SYNM: variants seen among roughly 807,000 people sequenced by gnomAD.
The protein encoded by SYNM is desmuslin.
In SYNM, 95 loss-of-function variants were observed where a neutral mutation model predicts 104.0. The ratio of observed to expected loss-of-function variants is 0.91; its 90% CI spans 0.77 to 1.08. The LOEUF (loss-of-function observed/expected upper bound fraction) is 1.08, where lower values mean the gene tolerates loss of function less well. SYNM is among the 50% of genes least tolerant of loss of function. The pLI is 0.00. For synonymous variants in SYNM, 918 were observed against 869.0 expected (o/e 1.06, Z -0.99); for missense variants, 2,150 against 2,052.2 (o/e 1.05, Z -0.92).
intron 2 of SYNM, among the ~76,000 whole-genome samples, chr15:99,115,303 G>C (rs996571450): frequency 1.3e-5 from 2 of 152,170 alleles, no homozygotes; most frequent in Non-Finnish European, 2.9e-5. Flanking sequence ...AACCTGGAGA[G>C]GTTAAGAAGG....
At chr15:99,110,829 C>T (rs1234331525) in intron 1 of SYNM, among the ~76,000 whole-genome samples, 1 of 152,184 alleles carries the variant, frequency 6.6e-6, no homozygotes, top group African/African-American at 2.4e-5. Context: ...ACTGCCTCTG[C>T]TCGGGTGAGA....
downstream of SYNM, chr15:99,138,226 A>G: frequency 1.4e-6 from 2 of 1,467,832 alleles, no homozygotes; most frequent in Non-Finnish European, 1.8e-6. Context: ...AGACCCATTT[A>G]TGAGAAGACT....
chr15:99,116,313 C>T (rs2067347892), intron 2 of SYNM, among the ~76,000 whole-genome samples: 1 of 152,174 alleles, frequency 6.6e-6, no homozygotes, highest in South Asian at 2.1e-4. Context: ...ATATGGAAAA[C>T]TTGAAAACAC....
At chr15:99,111,557 G>A (rs2067299910) in intron 1 of SYNM, among the ~76,000 whole-genome samples, 1 of 152,234 alleles carries the variant, frequency 6.6e-6, no homozygotes, top group South Asian at 2.1e-4. Flanking sequence ...CCAGCTGTGG[G>A]ATCTGTTATC....
Position 99,135,468 on chromosome 15 carries a change from A to G in SYNM, c.*2410A>G, listed in dbSNP as rs1350711825. 6.6e-6 allele frequency: 1 copy of G among 152,572 alleles called. No homozygotes were observed. Among genetic ancestry groups the G allele is most frequent in the Non-Finnish European group, 1.5e-5 (1 of 68,024 alleles). 9.5% of individuals were successfully genotyped at this position (152,572 alleles called of 1,614,324 possible). A position where few individuals can be genotyped will look rare whatever the true frequency, so the allele number is the denominator to read the frequency against. On this transcript the variant is annotated 3_prime_UTR_variant, in exon 4 of 4. Coordinates refer to ENST00000336292, the MANE Select transcript of SYNM (RefSeq NM_145728.3). ...TCAGTTTCCTACTGGTGGTTTTGAT[A>G]TTGTTTGTTTAAGATGTATATTTAG... is the stretch of plus-strand genomic sequence containing the variant.
At chr15:99,119,098 C>G (rs1555484273) in intron 2 of SYNM, among the ~76,000 whole-genome samples, 1 of 152,182 alleles carries the variant, frequency 6.6e-6, no homozygotes, top group African/African-American at 2.4e-5. Context: ...TTTTATTGCA[C>G]TAGCAGCAGA....
Position 99,135,326 on chromosome 15 carries a change from A to T in SYNM, c.*2268A>T, listed in dbSNP as rs1450959877. 1.3e-5 allele frequency: 2 copies of T among 152,638 alleles called. No homozygotes were observed. The highest frequency in any genetic ancestry group is 4.8e-5 in the African/African-American group (2 of 41,448). The allele number at this position is 152,638 out of a possible 1,614,324, so 9.5% of individuals were successfully genotyped here. ...CATTGTGACAAGCTCCATGTCCTTT[A>T]AAATCAGTCACTCTGCACACAAGAG... On this transcript the variant is annotated 3_prime_UTR_variant, in exon 4 of 4. Coordinates refer to ENST00000336292, the MANE Select transcript of SYNM (RefSeq NM_145728.3).
chr15:99,139,922 C>CTT (rs2068031230), downstream of SYNM: 4 of 376,224 alleles, frequency 1.1e-5, no homozygotes, highest in South Asian at 1.0e-4. Flanking sequence ...CTTCTGCTTA[C>CTT]TTTAAGTCTT....
intron 2 of SYNM, among the ~76,000 whole-genome samples, chr15:99,122,513 A>G (rs2067410478): frequency 6.6e-6 from 1 of 152,178 alleles, no homozygotes; most frequent in South Asian, 2.1e-4. Context: ...TACTAGATAA[A>G]ATACTTGAAG....
chr15:99,105,959 G>C lies in SYNM; in HGVS notation c.760G>C (p.Ala254Pro), dbSNP rs1555482731. Residue 254 changes from alanine (A) to proline (P), a missense_variant, in exon 1 of 4, where the codon GCG (alanine) becomes CCG (proline). Coordinates refer to ENST00000336292, the MANE Select transcript of SYNM (RefSeq NM_145728.3). ...GCAGCTGCGCGCGCGGCTGGAGGAC[G>C]CGCTGCTGCGGATGCGCGAGGAGTA... ...LEQLRARLEDALLRMREEYGI... is the reference protein window; with the variant it reads ...LEQLRARLEDPLLRMREEYGI... The C allele has an allele frequency of 6.6e-7, 1 of 1,518,048 alleles. No individual in the cohort carries two copies. Among genetic ancestry groups the C allele is most frequent in the Non-Finnish European group, 8.8e-7 (1 of 1,139,294 alleles). The allele number at this position is 1,518,048 out of a possible 1,614,324, so 94.0% of individuals were successfully genotyped here.
intron 2 of SYNM, among the ~76,000 whole-genome samples, chr15:99,118,209 C>G (rs1703776): frequency 0.51 from 77,568 of 152,068 alleles, 20,036 homozygotes; most frequent in Middle Eastern, 0.62. Context: ...CAAAAACTTA[C>G]CATTTTTGAA....
At chr15:99,107,956 TTTTTTGG>T (rs1226713246) in intron 1 of SYNM, among the ~76,000 whole-genome samples, 33 of 130,852 alleles carry the variant, frequency 2.5e-4, no homozygotes, top group Middle Eastern at 3.6e-3. Context: ...GTTTTGTTTT[TTTTTTGG>T]TTTTGGTTTT....
intron 1 of SYNM, among the ~76,000 whole-genome samples, chr15:99,112,939 G>A (rs1026529018): frequency 1.5e-4 from 23 of 152,158 alleles, no homozygotes; most frequent in African/African-American, 4.6e-4. Flanking sequence ...TCGAACTCCC[G>A]ACCTCAAGTG....
At chr15:99,124,016 G>T (rs1348960954) in intron 2 of SYNM, among the ~76,000 whole-genome samples, 2 of 152,234 alleles carry the variant, frequency 1.3e-5, no homozygotes, top group Non-Finnish European at 2.9e-5. Context: ...TGAGGCCAGG[G>T]ACTTGAGTTT....
At chr15:99,123,406 C>T (rs369009030) in intron 2 of SYNM, among the ~76,000 whole-genome samples, 2 of 151,984 alleles carry the variant, frequency 1.3e-5, no homozygotes, top group Admixed American at 6.6e-5. Context: ...AGCACTGCCA[C>T]GTTACCTCCT....
rs2067225936 is a variant in SYNM at position 99,105,564 on chromosome 15, AGGC to A, written c.367_369del (p.Ala123del). On this transcript the variant is annotated inframe_deletion, in exon 1 of 4. Transcript: ENST00000336292. ...GGTGCGCAGCAGCGCGAGCTGCAGG[AGGC>A]GCTGGGCGCGCGCGCCGCCCTCGAG... 7.7e-6 allele frequency: 9 copies of A among 1,175,170 alleles called. No individual in the cohort carries two copies. The Admixed American group carries it at 2.3e-4, about 31-fold the overall frequency. The allele number at this position is 1,175,170 out of a possible 1,614,324, so 72.8% of individuals were successfully genotyped here. A position where few individuals can be genotyped will look rare whatever the true frequency, so the allele number is the denominator to read the frequency against.
chr15:99,131,717 T>C lies in SYNM; in HGVS notation c.3357T>C (p.Asp1119=), dbSNP rs1555485963. ...TGFAQSQVLE[D]VSQAARHIKL... Reference sequence around the variant, plus strand: ...TTGCCCAGTCACAGGTGCTGGAGGATGTGAGCCAGGCTGCAAGGCACATAA... The same window carrying C: ...TTGCCCAGTCACAGGTGCTGGAGGACGTGAGCCAGGCTGCAAGGCACATAA... The change falls in exon 4 of 4, where the codon GAT becomes GAC. Residue 1119 remains aspartate, a synonymous_variant. Coordinates refer to ENST00000336292, the MANE Select transcript of SYNM (RefSeq NM_145728.3). This position sits in a 1 kb window ranked among gnomAD's most constrained non-coding sequence, Gnocchi z 4.3. 1 of 1,613,702 alleles carries C rather than the reference T, an allele frequency of 6.2e-7. No homozygotes were observed. The highest frequency in any genetic ancestry group is 1.7e-5 in the Admixed American group (1 of 60,024).
downstream of SYNM, chr15:99,138,055 C>T (rs782027599): frequency 2.5e-6 from 4 of 1,613,876 alleles, no homozygotes; most frequent in African/African-American, 5.3e-5. Context: ...GCAGGGTGTC[C>T]TGAGGGATGC....
chr15:99,112,876 A>AT (rs1362419746), intron 1 of SYNM, among the ~76,000 whole-genome samples: 2 of 151,862 alleles, frequency 1.3e-5, no homozygotes, highest in African/African-American at 4.8e-5. Context: ...ATGCCCAGCT[A>AT]TTTTTTGTAT....
Sources: allele counts gnomAD v4.1 joint callset (sites outside exome capture counted in the v4.1 genomes callset), GRCh38; gene constraint gnomAD v4.1.1; non-coding constraint Gnocchi (gnomAD v3.1); transcripts MANE v1.5; gene names NCBI Gene and HGNC (gene_info 2026-07-23, HGNC 2026-07-21).